BIRC6: variants seen among roughly 807,000 people sequenced by gnomAD.
BIRC6 encodes the protein dual E2 ubiquitin-conjugating enzyme/E3 ubiquitin-protein ligase BIRC6.
In BIRC6, 98 loss-of-function variants were observed where a neutral mutation model predicts 503.3. The observed-to-expected ratio is 0.19, with a 90% confidence interval of 0.17 to 0.23. BIRC6 has a LOEUF of 0.23. Ranked by LOEUF, BIRC6 falls within the 10% of genes least tolerant of loss-of-function variation. The pLI is 1.00. For missense variants in BIRC6, 5,360 were observed against 5,806.0 expected (o/e 0.92, Z 2.50); for synonymous variants, 2,240 against 2,078.7 (o/e 1.08, Z -2.11).
intron 57 of BIRC6, chr2:32,523,632 T>G (rs1221301219): frequency 6.6e-6 from 1 of 152,362 alleles, no homozygotes; most frequent in East Asian, 1.9e-4. Context: ...TTGTATAAAT[T>G]GAAATCACTT....
Position 32,401,155 on chromosome 2 carries a change from A to C in BIRC6, c.1035-8A>C. On this transcript the variant is annotated splice_polypyrimidine_tract_variant and splice_region_variant and intron_variant, in intron 6 of 73. Transcript: ENST00000421745. ...TAGTAAACTTTTCCTTTCTAAATCT[A>C]TGCAAAGGTCTGAACACGAAAGACA... is the stretch of plus-strand genomic sequence containing the variant. The C allele has an allele frequency of 6.2e-7, 1 of 1,611,004 alleles. No homozygotes were observed. The highest frequency in any genetic ancestry group is 8.5e-7 in the Non-Finnish European group (1 of 1,177,236).
intron 40 of BIRC6, 54 bp downstream of exon 40, chr2:32,485,813 C>T (rs1007708339): frequency 1.0e-5 from 12 of 1,188,876 alleles, no homozygotes; most frequent in Non-Finnish European, 1.4e-5. Flanking sequence ...AGCTCTTCAT[C>T]ATTTTCAGGT....
Position 32,401,178 on chromosome 2 carries a change from A to G in BIRC6, c.1050A>G (p.Arg350=), listed in dbSNP as rs748288274. The G allele has an allele frequency of 3.1e-6, 5 of 1,613,984 alleles. No individual in the cohort carries two copies. In the Admixed American group the frequency reaches 6.7e-5, roughly 22 times the overall value. ...CTATGCAAAGGTCTGAACACGAAAG[A>G]CATTCCCCAAACTGCCCATTTGTGA... The part of the protein sequence containing the change: ...PTDEPWSEHE[R]HSPNCPFVKG... The change falls in exon 7 of 74, where the codon AGA becomes AGG. Residue 350 remains arginine (R), a synonymous_variant. Transcript: ENST00000421745.
chr2:32,596,468 CAAAAA>C (rs11345309), intron 68 of BIRC6, among the ~76,000 whole-genome samples: 3 of 86,586 alleles, frequency 3.5e-5, no homozygotes, highest in East Asian at 3.4e-4. Flanking sequence ...GTCTCCATCT[CAAAAA>C]AAAAAAAAAA....
In BIRC6 at chr2:32,607,678, A is replaced by C. The variant is rs142555430; in HGVS notation, c.14259+35A>C. 627 of 1,546,438 alleles carry C rather than the reference A, an allele frequency of 4.1e-4. 3 individuals carry two copies. In the East Asian group the frequency reaches 0.011, roughly 26 times the overall value. ...ATAAAATTAGTGAAATACTTTGTTA[A>C]AGACATTTTACAATATAGGCTGGGC... On this transcript the variant is annotated intron_variant, in intron 72 of 73. Transcript: ENST00000421745.
rs943163130 is a variant in BIRC6 at position 32,618,355 on chromosome 2, T to C, written c.*451T>C. The C allele has an allele frequency of 5.9e-5, 9 of 152,756 alleles. No homozygotes were observed. Among genetic ancestry groups the C allele is most frequent in the African/African-American group, 1.9e-4 (8 of 41,582 alleles). The allele number at this position is 152,756 out of a possible 1,614,324, so 9.5% of individuals were successfully genotyped here. ...GATTTTATGTTTGGCCATATCTTCATGCTCACATTTGATTTCTGAAGACCT... is the reference window on the plus strand; with the variant it reads ...GATTTTATGTTTGGCCATATCTTCACGCTCACATTTGATTTCTGAAGACCT... On this transcript the variant is annotated 3_prime_UTR_variant, in exon 74 of 74. Coordinates refer to ENST00000421745, the MANE Select transcript of BIRC6 (RefSeq NM_016252.4).
intron 9 of BIRC6, among the ~76,000 whole-genome samples, chr2:32,410,237 A>G (rs2041711057): frequency 6.6e-6 from 1 of 152,124 alleles, no homozygotes; most frequent in Non-Finnish European, 1.5e-5. Context: ...TACATGTTAT[A>G]AAAATATCTC....
rs58379253 is a variant in BIRC6 at position 32,609,285 on chromosome 2, CTG to C, written c.14259+1668_14259+1669del. The stretch of plus-strand genomic sequence containing the variant: ...TTTCACGTCATCCTGAAGTGTGGCT[CTG>C]TGTGTGTGTGTGTGTGTGTGTGTGT... On this transcript the variant is annotated intron_variant, in intron 72 of 73. Transcript: ENST00000421745. Among the ~76,000 whole-genome samples, 429 of 147,380 alleles carry C rather than the reference CTG, an allele frequency of 2.9e-3. 1 individual carries two copies. The highest frequency in any genetic ancestry group is 0.02 in the East Asian group (100 of 4,994).
intron 72 of BIRC6, among the ~76,000 whole-genome samples, chr2:32,611,142 G>A (rs1426280696): frequency 6.8e-6 from 1 of 147,128 alleles, no homozygotes; most frequent in Non-Finnish European, 1.5e-5. Context: ...GGCTTGCTCT[G>A]TCGCCCAGGC....
chr2:32,417,887 C>T (rs867192118), intron 10 of BIRC6, among the ~76,000 whole-genome samples: 13 of 152,300 alleles, frequency 8.5e-5, no homozygotes, highest in South Asian at 4.1e-4. Context: ...TCAAGTGATT[C>T]TCCGGCCTTA....
chr2:32,449,147 G>A (rs1428856611), intron 22 of BIRC6: 3 of 408,734 alleles, frequency 7.3e-6, no homozygotes, highest in African/African-American at 2.1e-5. Flanking sequence ...TGAAAGGGTT[G>A]TGACTTTAAT....
At chr2:32,500,159 G>GTTT in intron 46 of BIRC6, 50 bp downstream of exon 46, 1 of 1,428,624 alleles carries the variant, frequency 7.0e-7, no homozygotes. Flanking sequence ...ACTATAACTG[G>GTTT]TTTTTTTTTA....
intron 33 of BIRC6, among the ~76,000 whole-genome samples, chr2:32,473,502 T>C (rs976094469): frequency 2.6e-5 from 4 of 152,056 alleles, no homozygotes; most frequent in Admixed American, 2.0e-4. Context: ...GTCATTATCT[T>C]TTGCCTAGTC....
rs578037306 is a variant in BIRC6, at chr2:32,600,453, A to G, written c.13992+553A>G. Among the ~76,000 whole-genome samples, 3 of 152,350 alleles carry G rather than the reference A, an allele frequency of 2.0e-5. No homozygotes were observed. The South Asian group carries it at 6.2e-4, about 32-fold the overall frequency. On this transcript the variant is annotated intron_variant, in intron 70 of 73. Transcript: ENST00000421745. ...AGCCTGCCTCAGATATGTGGCAGAT[A>G]TGTGGTTGCAAATTATCATTAGCTC...
chr2:32,477,654 T>C, intron 35 of BIRC6, 71 bp downstream of exon 35: 2 of 1,202,544 alleles, frequency 1.7e-6, no homozygotes, highest in Non-Finnish European at 2.4e-6. Flanking sequence ...ATCCCAGCAC[T>C]TTGGGAGACT....
chr2:32,435,452 A>G (rs771013137), intron 13 of BIRC6, 44 bp from the exon 14 acceptor site: 30 of 1,500,366 alleles, frequency 2.0e-5, no homozygotes, highest in Non-Finnish European at 2.7e-5. Flanking sequence ...TTTATCCTCT[A>G]GAAACAGCAG....
At chr2:32,613,271 G>T (rs921660995) in intron 73 of BIRC6, among the ~76,000 whole-genome samples, 1 of 151,890 alleles carries the variant, frequency 6.6e-6, no homozygotes, top group Non-Finnish European at 1.5e-5. Flanking sequence ...TGCATCTTCC[G>T]CCTCCCTTGT....
At chr2:32,411,258 C>T (rs896614765) in intron 9 of BIRC6, among the ~76,000 whole-genome samples, 26 of 150,798 alleles carry the variant, frequency 1.7e-4, no homozygotes, top group African/African-American at 6.1e-4. Context: ...AGTCTGGTCT[C>T]GAACTCCTGA....
At chr2:32,550,917 C>A (rs2243844) in intron 65 of BIRC6, among the ~76,000 whole-genome samples, 56,782 of 151,790 alleles carry the variant, frequency 0.37, 10,780 homozygotes, top group Non-Finnish European at 0.42. Context: ...TGTGACAGAT[C>A]GAAGTTTGAC....
Sources: allele counts gnomAD v4.1 joint callset (sites outside exome capture counted in the v4.1 genomes callset), GRCh38; gene constraint gnomAD v4.1.1; transcripts MANE v1.5; gene names NCBI Gene and HGNC (gene_info 2026-07-23, HGNC 2026-07-21).